SLC2A12: variants seen among roughly 807,000 people sequenced by gnomAD.
SLC2A12 encodes the protein solute carrier family 2 member 12, also known as solute carrier family 2, facilitated glucose transporter member 12.
SLC2A12 carries 23 observed loss-of-function variants against 41.8 expected under a neutral mutation model. The ratio of observed to expected loss-of-function variants is 0.55; its 90% CI spans 0.40 to 0.78. SLC2A12 has a LOEUF of 0.78. Among genes scored for constraint, SLC2A12 ranks in the 30% least tolerant of loss-of-function variants. The probability of loss-of-function intolerance (pLI) is 0.00; values close to 1 mark genes in which losing one functional copy is unlikely to be tolerated. For missense variants in SLC2A12, 654 were observed against 745.6 expected, an observed-to-expected ratio of 0.88 and a Z score of 1.43; for synonymous variants, 295 against 285.9, an observed-to-expected ratio of 1.03 and a Z score of -0.32.
intron 2 of SLC2A12, among the ~76,000 whole-genome samples, chr6:134,015,592 G>C (rs1776949811): frequency 1.3e-5 from 2 of 152,234 alleles, no homozygotes; most frequent in Admixed American, 1.3e-4. Flanking sequence ...GGAAGAGGAA[G>C]ATGAGCAGAG....
chr6:134,027,823 T>C (rs1000509643), intron 2 of SLC2A12, among the ~76,000 whole-genome samples: 1 of 152,230 alleles, frequency 6.6e-6, no homozygotes, highest in Non-Finnish European at 1.5e-5. Flanking sequence ...GCAACTAGAC[T>C]TTCATGCTTC....
intron 2 of SLC2A12, 56 bp from the exon 3 acceptor site, chr6:134,006,990 A>G (rs2114433954): frequency 6.2e-7 from 1 of 1,606,234 alleles, no homozygotes; most frequent in East Asian, 2.2e-5. Flanking sequence ...AACCCATTGA[A>G]TCTGAGTGCC....
intron 2 of SLC2A12, among the ~76,000 whole-genome samples, chr6:134,022,593 GAA>G: frequency 7.5e-6 from 1 of 132,772 alleles, no homozygotes; most frequent in South Asian, 2.5e-4. Context: ...GAAAAGAAAA[GAA>G]AAATGTTGCC....
rs556917252 is a variant in SLC2A12 at position 134,027,351 on chromosome 6, C to A, written c.1444+1030G>T. ...CCATGAAATTCCTTCTTCAGCATAG[C>A]CTATACCTTCTTATTGGCCTGAACC... On this transcript the variant is annotated intron_variant, in intron 2 of 4. Coordinates refer to ENST00000275230, the MANE Select transcript of SLC2A12 (RefSeq NM_145176.3). Among the ~76,000 whole-genome samples the A allele has an allele frequency of 5.9e-5, 9 of 152,310 alleles. No homozygotes were observed. In the East Asian group the frequency reaches 1.7e-3, roughly 29 times the overall value.
intron 2 of SLC2A12, among the ~76,000 whole-genome samples, chr6:134,023,130 C>T (rs1160391545): frequency 1.3e-5 from 2 of 152,168 alleles, no homozygotes; most frequent in Non-Finnish European, 2.9e-5. Flanking sequence ...GCAACACCCC[C>T]GCTATTCCGT....
chr6:133,993,196 ATCTGGCT>A (rs1185221743), intron 4 of SLC2A12, among the ~76,000 whole-genome samples: 1 of 152,178 alleles, frequency 6.6e-6, no homozygotes, highest in African/African-American at 2.4e-5. Flanking sequence ...AGATAAGCTT[ATCTGGCT>A]TCAGGACTTA....
chr6:133,991,190 TACCAC>T lies in SLC2A12; in HGVS notation c.1814_1818del (p.Cys605Ter). ...GGAGAAAGCTGCCTGGATTGGCCCC[TACCAC>T]ACAGCTTGTTACACTCCAAGAGCTG... is the stretch of plus-strand genomic sequence containing the variant. On this transcript the variant is annotated frameshift_variant, in exon 5 of 5. Coordinates refer to ENST00000275230, the MANE Select transcript of SLC2A12 (RefSeq NM_145176.3). LOFTEE classifies it high-confidence loss of function. 6.2e-7 allele frequency: 1 copy of T among 1,614,066 alleles called. No individual in the cohort carries two copies. Among genetic ancestry groups the T allele is most frequent in the Non-Finnish European group, 8.5e-7 (1 of 1,179,996 alleles).
At chr6:134,048,038 G>A (rs529461973) in intron 1 of SLC2A12, among the ~76,000 whole-genome samples, 3 of 152,312 alleles carry the variant, frequency 2.0e-5, no homozygotes, top group Admixed American at 2.0e-4. Flanking sequence ...ACGATGCATA[G>A]CACCCAGAGT....
chr6:134,004,855 G>A (rs545682793), intron 3 of SLC2A12, among the ~76,000 whole-genome samples: 1 of 152,262 alleles, frequency 6.6e-6, no homozygotes, highest in Admixed American at 6.5e-5. Flanking sequence ...TAATGAGTAG[G>A]TCTGGGAAAT....
In SLC2A12 at chr6:134,028,884, T is replaced by C; in HGVS notation, c.941A>G (p.Glu314Gly). 1 of 1,614,246 alleles carries C rather than the reference T, an allele frequency of 6.2e-7. No individual in the cohort carries two copies. Among genetic ancestry groups the C allele is most frequent in the Non-Finnish European group, 8.5e-7 (1 of 1,180,042 alleles). ...VLKSVGFQSN[E>G]AASLASTGVG... ...CCCAGTGGAGGCGAGGCTAGCTGCCTCATTGCTTTGAAATCCAACTGACTT... is the reference window on the plus strand; with the variant it reads ...CCCAGTGGAGGCGAGGCTAGCTGCCCCATTGCTTTGAAATCCAACTGACTT... The change falls in exon 2 of 5, where the codon GAG becomes GGG. Residue 314 changes from glutamate (E) to glycine (G), a missense_variant. Glu to Gly is a moderately conservative substitution (Grantham distance 98). Transcript: ENST00000275230.
chr6:134,037,106 C>T (rs912628474), intron 1 of SLC2A12, among the ~76,000 whole-genome samples: 2 of 146,126 alleles, frequency 1.4e-5, no homozygotes, highest in Admixed American at 6.8e-5. Context: ...ACCACAGGGT[C>T]GTTTGCCTTC....
chr6:133,991,955 G>A (rs991960151), intron 4 of SLC2A12, among the ~76,000 whole-genome samples: 25 of 152,062 alleles, frequency 1.6e-4, no homozygotes, highest in African/African-American at 1.5e-4. Context: ...AGAAATAAAC[G>A]GGGAAGGAGA....
chr6:134,005,832 C>T (rs956125674), intron 3 of SLC2A12, among the ~76,000 whole-genome samples: 1 of 151,950 alleles, frequency 6.6e-6, no homozygotes, highest in African/African-American at 2.4e-5. Context: ...TCTTTCTCCT[C>T]AAGCCTCTAT....
chr6:134,032,466 T>TA (rs1562201745), intron 1 of SLC2A12, among the ~76,000 whole-genome samples: 22 of 33,198 alleles, frequency 6.6e-4, no homozygotes, highest in African/African-American at 3.4e-3. Context: ...ATATATATAT[T>TA]TTTATATATA....
chr6:134,006,682 G>A, intron 3 of SLC2A12, 130 bp downstream of exon 3: 1 of 1,187,496 alleles, frequency 8.4e-7, no homozygotes, highest in East Asian at 2.6e-5. Context: ...GGGTACTTCA[G>A]GGTCATGGCC....
chr6:134,050,409 G>A (rs1251873295), intron 1 of SLC2A12, among the ~76,000 whole-genome samples: 1 of 152,226 alleles, frequency 6.6e-6, no homozygotes, highest in African/African-American at 2.4e-5. Context: ...AAATTTGAAA[G>A]ATAATTTATG....
At chr6:133,995,024 A>T (rs965744805) in intron 4 of SLC2A12, among the ~76,000 whole-genome samples, 1 of 152,240 alleles carries the variant, frequency 6.6e-6, no homozygotes, top group Non-Finnish European at 1.5e-5. Context: ...GATGTTAAAA[A>T]GTAATTTCAG....
chr6:133,989,368 T>C lies in SLC2A12; in HGVS notation c.*1787A>G, dbSNP rs1313505758. ...ATAATAAAAGAAAAATATAAAAGAA[T>C]GCTCAAGATACTGAAGTCAAGGTCA... is the stretch of plus-strand genomic sequence containing the variant. On this transcript the variant is annotated 3_prime_UTR_variant, in exon 5 of 5. Transcript: ENST00000275230. 1 of 152,082 alleles carries C rather than the reference T, an allele frequency of 6.6e-6. No homozygotes were observed. Among genetic ancestry groups the C allele is most frequent in the African/African-American group, 2.4e-5 (1 of 41,406 alleles). The allele number at this position is 152,082 out of a possible 1,614,324, so 9.4% of individuals were successfully genotyped here.
At chr6:134,048,065 C>G (rs917953222) in intron 1 of SLC2A12, among the ~76,000 whole-genome samples, 1 of 152,204 alleles carries the variant, frequency 6.6e-6, no homozygotes, top group Non-Finnish European at 1.5e-5. Context: ...AGAAACATCT[C>G]CCACCATGTT....
Sources: allele counts gnomAD v4.1 joint callset (sites outside exome capture counted in the v4.1 genomes callset), GRCh38; gene constraint gnomAD v4.1.1; transcripts MANE v1.5; gene names NCBI Gene and HGNC (gene_info 2026-07-23, HGNC 2026-07-21).